Variants in CD58 observed in about 807,000 individuals in gnomAD.
CD58 encodes the protein CD58 molecule, also known as lymphocyte function-associated antigen 3.
Under a neutral mutation model 27.6 loss-of-function variants are expected in CD58, and 14 were observed. The observed-to-expected ratio is 0.51, with a 90% CI of 0.34 to 0.79. The LOEUF is 0.79. Ranked by LOEUF, CD58 falls within the 30% of genes least tolerant of loss-of-function variation. CD58 has a pLI of 0.02. For synonymous variants in CD58, 117 were observed against 103.8 expected (o/e 1.13, Z -0.77); for missense variants, 268 against 301.7 (o/e 0.89, Z 0.83).
In CD58 at chr1:116,515,777, T is replaced by A. The variant is rs571679985; in HGVS notation, c.744-955A>T. Among the ~76,000 whole-genome samples, 5 of 152,302 alleles carry A rather than the reference T, an allele frequency of 3.3e-5. No homozygotes were observed. Among genetic ancestry groups the A allele is most frequent in the Admixed American group, 6.5e-5 (1 of 15,310 alleles). On this transcript the variant is annotated intron_variant, in intron 5 of 5. Coordinates refer to ENST00000369489, the MANE Select transcript of CD58 (RefSeq NM_001779.3). This position sits in a 1 kb window ranked among gnomAD's most constrained non-coding sequence, Gnocchi z 4.6. ...AATTTGGCTAACTTTGTGATCTGTT[T>A]TCTAGACACTTACACAAAAAATACC...
At position 116,532,691 on chromosome 1, in the gene CD58, C is replaced by T. The variant is rs1657656417; in HGVS notation, c.628+3274G>A. On this transcript the variant is annotated intron_variant, in intron 3 of 5. Transcript: ENST00000369489. This position sits in a 1 kb window ranked among gnomAD's most constrained non-coding sequence, Gnocchi z 5.1. ...GTCCAGGCAAGTCCAGAGCTACAGGCACCAAGGCTGCAGAGGGTATTGGAC... is the reference window on the plus strand; with the variant it reads ...GTCCAGGCAAGTCCAGAGCTACAGGTACCAAGGCTGCAGAGGGTATTGGAC... 6.6e-6 allele frequency among the ~76,000 whole-genome samples: 1 copy of T among 152,156 alleles called. No homozygotes were observed. The highest frequency in any genetic ancestry group is 1.9e-4 in the East Asian group (1 of 5,186).
chr1:116,530,495 G>A (rs1298984882), intron 3 of CD58, among the ~76,000 whole-genome samples: 1 of 151,998 alleles, frequency 6.6e-6, no homozygotes, highest in Non-Finnish European at 1.5e-5. Context: ...GTGAGCCACC[G>A]CACCCGGCTA....
At chr1:116,567,934 G>C (rs1245399139) in intron 1 of CD58, among the ~76,000 whole-genome samples, 3 of 151,562 alleles carry the variant, frequency 2.0e-5, no homozygotes, top group African/African-American at 7.3e-5. Context: ...AAGTATTCCT[G>C]CTACAAAGAG....
chr1:116,570,891 G>C lies in CD58; in HGVS notation c.70+12C>G. 2 of 1,549,670 alleles carry C rather than the reference G, an allele frequency of 1.3e-6. No individual in the cohort carries two copies. The highest frequency in any genetic ancestry group is 3.8e-4 in the Middle Eastern group (2 of 5,324). On this transcript the variant is annotated intron_variant, in intron 1 of 5. Coordinates refer to ENST00000369489, the MANE Select transcript of CD58 (RefSeq NM_001779.3). This position sits in a 1 kb window ranked among gnomAD's most constrained non-coding sequence, Gnocchi z 6.4. ...CGGCCGGCGCGGGGCCCCTGGGGCA[G>C]GCTTCACTCACCAAAGCAGTGCAGC...
Position 116,552,677 on chromosome 1 carries a change from A to T in CD58, c.71-8073T>A, listed in dbSNP as rs913723385. Among the ~76,000 whole-genome samples, 1 of 152,188 alleles carries T rather than the reference A, an allele frequency of 6.6e-6. No individual in the cohort carries two copies. The highest frequency in any genetic ancestry group is 2.4e-5 in the African/African-American group (1 of 41,438). On this transcript the variant is annotated intron_variant, in intron 1 of 5. Coordinates refer to ENST00000369489, the MANE Select transcript of CD58 (RefSeq NM_001779.3). The surrounding 1 kb of genome is among the most constrained non-coding windows in gnomAD (Gnocchi z 4.5). The stretch of plus-strand genomic sequence containing the variant: ...GTATAGCTATACTTTATTCTTTTTA[A>T]TAACTACATAATATTCCAGAGCATG...
At position 116,559,504 on chromosome 1, in the gene CD58, T is replaced by C. The variant is rs1404904917; in HGVS notation, c.70+11399A>G. ...TCTTTTTTCCTGATCGATTCCACCC[T>C]TAGCCGGTCCCAGTTAGTGACTTCT... On this transcript the variant is annotated intron_variant, in intron 1 of 5. Coordinates refer to ENST00000369489, the MANE Select transcript of CD58 (RefSeq NM_001779.3). This position sits in a 1 kb window ranked among gnomAD's most constrained non-coding sequence, Gnocchi z 4.4. Among the ~76,000 whole-genome samples the C allele has an allele frequency of 6.6e-6, 1 of 152,312 alleles. No homozygotes were observed. The highest frequency in any genetic ancestry group is 3.4e-3 in the Middle Eastern group (1 of 294).
intron 1 of CD58, among the ~76,000 whole-genome samples, chr1:116,547,618 C>A (rs1160894716): frequency 6.6e-6 from 1 of 152,088 alleles, no homozygotes; most frequent in African/African-American, 2.4e-5. Flanking sequence ...CACGAGCCAC[C>A]GCGCCTGGCC....
In CD58 at chr1:116,546,920, G is replaced by A. The variant is rs958378793; in HGVS notation, c.71-2316C>T. Among the ~76,000 whole-genome samples the A allele has an allele frequency of 1.3e-5, 2 of 152,120 alleles. No homozygotes were observed. Among genetic ancestry groups the A allele is most frequent in the Non-Finnish European group, 2.9e-5 (2 of 68,024 alleles). ...CCCACTTAGCCTGCTTTAACGTGAA[G>A]ATAATGAGGATGAAGACCTTTGATG... On this transcript the variant is annotated intron_variant, in intron 1 of 5. Coordinates refer to ENST00000369489, the MANE Select transcript of CD58 (RefSeq NM_001779.3). The surrounding 1 kb of genome is among the most constrained non-coding windows in gnomAD (Gnocchi z 4.1).
Position 116,563,668 on chromosome 1 carries a change from T to A in CD58, c.70+7235A>T, listed in dbSNP as rs1280704541. ...TTACCCTCTGAAGCAACAGCCTGAG[T>A]GGTATGTTGGCCCCTTTTAGCCATG... On this transcript the variant is annotated intron_variant, in intron 1 of 5. Transcript: ENST00000369489. This position sits in a 1 kb window ranked among gnomAD's most constrained non-coding sequence, Gnocchi z 4.1. 1.3e-5 allele frequency among the ~76,000 whole-genome samples: 2 copies of A among 151,964 alleles called. No individual in the cohort carries two copies. The highest frequency in any genetic ancestry group is 6.6e-5 in the Admixed American group (1 of 15,266).
chr1:116,532,850 TTGTGCCGCA>T lies in CD58; in HGVS notation c.628+3106_628+3114del. 1.6e-6 allele frequency: 1 copy of T among 614,166 alleles called. No homozygotes were observed. 38.0% of individuals were successfully genotyped at this position (614,166 alleles called of 1,614,324 possible). On this transcript the variant is annotated intron_variant, in intron 3 of 5. Coordinates refer to ENST00000369489, the MANE Select transcript of CD58 (RefSeq NM_001779.3). This position sits in a 1 kb window ranked among gnomAD's most constrained non-coding sequence, Gnocchi z 5.1. ...GATGGAGTAAGCGCTGTCGACGGGA[TTGTGCCGCA>T]TGCGGCAAAGACTGAGGCCTCCCGC...
chr1:116,533,472 T>A, intron 3 of CD58: 1 of 743,408 alleles, frequency 1.3e-6, no homozygotes, highest in Non-Finnish European at 2.5e-6. Flanking sequence ...GTGGAACTCT[T>A]AATATGAAAG....
At chr1:116,529,519 G>A (rs1353775523) in intron 3 of CD58, among the ~76,000 whole-genome samples, 2 of 152,180 alleles carry the variant, frequency 1.3e-5, no homozygotes, top group African/African-American at 4.8e-5. Flanking sequence ...CCAGTACAGT[G>A]GGGAAGACAC....
chr1:116,569,467 A>C (rs1659046669), intron 1 of CD58, among the ~76,000 whole-genome samples: 1 of 151,958 alleles, frequency 6.6e-6, no homozygotes, highest in African/African-American at 2.4e-5. Flanking sequence ...ACATTATCAC[A>C]TGTCCACACA....
chr1:116,558,773 T>C (rs1429838718), intron 1 of CD58, among the ~76,000 whole-genome samples: 1 of 152,232 alleles, frequency 6.6e-6, no homozygotes, highest in African/African-American at 2.4e-5. Context: ...TATTTAACAG[T>C]AGCAGCAGCA....
At position 116,527,742 on chromosome 1, in the gene CD58, G is replaced by C. The variant is rs1657473635; in HGVS notation, c.629-5759C>G. ...TCTATCTTCTAAAAGAGATTATAGA[G>C]AATTAGTATTTCTTCCTTAAATATC... is the stretch of plus-strand genomic sequence containing the variant. On this transcript the variant is annotated intron_variant, in intron 3 of 5. Transcript: ENST00000369489. This position sits in a 1 kb window ranked among gnomAD's most constrained non-coding sequence, Gnocchi z 4.4. 6.6e-6 allele frequency among the ~76,000 whole-genome samples: 1 copy of C among 152,218 alleles called. No individual in the cohort carries two copies. The highest frequency in any genetic ancestry group is 1.5e-5 in the Non-Finnish European group (1 of 68,034).
chr1:116,537,676 T>C (rs780702510), intron 2 of CD58, among the ~76,000 whole-genome samples: 2 of 152,230 alleles, frequency 1.3e-5, no homozygotes, highest in East Asian at 1.9e-4. Flanking sequence ...CATTCTGCCA[T>C]TGTTGCCCTT....
At chr1:116,533,860 G>A in intron 3 of CD58, 2 of 920,820 alleles carry the variant, frequency 2.2e-6, no homozygotes, top group Non-Finnish European at 3.6e-6. Context: ...TTCTATATGA[G>A]CGCATCTCAC....
rs872367 is a variant in CD58 at position 116,515,174 on chromosome 1, C to T, written c.744-352G>A. Among the ~76,000 whole-genome samples the T allele has an allele frequency of 7.2e-4, 110 of 152,340 alleles. 2 individuals carry two copies. The South Asian group carries it at 0.014, about 19-fold the overall frequency. ...GTAACAGCTACTTCCTTCTTTGCTA[C>T]ATGAAACTCCTGGGGATGGTTTTCT... is the stretch of plus-strand genomic sequence containing the variant. On this transcript the variant is annotated intron_variant, in intron 5 of 5. Transcript: ENST00000369489. The surrounding 1 kb of genome is among the most constrained non-coding windows in gnomAD (Gnocchi z 4.6).
At chr1:116,544,975 A>T (rs1658115589) in intron 1 of CD58, among the ~76,000 whole-genome samples, 1 of 152,228 alleles carries the variant, frequency 6.6e-6, no homozygotes, top group South Asian at 2.1e-4. Context: ...GCTGGAACTG[A>T]CATAACGTGC....
Sources: gnomAD v4.1 joint callset for allele counts (sites outside exome capture counted in the v4.1 genomes callset) on GRCh38, gnomAD v4.1.1 for gene constraint, Gnocchi (gnomAD v3.1) non-coding constraint, MANE v1.5 for transcripts, NCBI Gene and HGNC (gene_info 2026-07-23, HGNC 2026-07-21) for gene names.